Variants in SLIT1 observed in about 807,000 individuals in gnomAD.
SLIT1 encodes the protein slit guidance ligand 1.
SLIT1 carries 66 observed loss-of-function variants against 186.1 expected under a neutral mutation model. The observed-to-expected ratio is 0.35, with a 90% CI of 0.29 to 0.44. SLIT1 has a LOEUF of 0.44. Among genes scored for constraint, SLIT1 ranks in the 20% least tolerant of loss-of-function variants. SLIT1 has a pLI of 1.00. For synonymous variants in SLIT1, 761 were observed against 833.8 expected, an observed-to-expected ratio of 0.91 and a Z score of 1.50; for missense variants, 1,638 against 2,037.4, an observed-to-expected ratio of 0.80 and a Z score of 3.77.
Position 96,999,025 on chromosome 10 carries a change from CT to C in SLIT1, c.*2086del, listed in dbSNP as rs1848275740. 1 of 152,284 alleles carries C rather than the reference CT, an allele frequency of 6.6e-6. No individual in the cohort carries two copies. The highest frequency in any genetic ancestry group is 1.5e-5 in the Non-Finnish European group (1 of 68,090). 9.4% of individuals were successfully genotyped at this position (152,284 alleles called of 1,614,324 possible). On this transcript the variant is annotated 3_prime_UTR_variant, in exon 37 of 37. Coordinates refer to ENST00000266058, the MANE Select transcript of SLIT1 (RefSeq NM_003061.3). ...TCAGGGTTGGTGAGTCCCAGAGCACCTTTCTTCCAGGGAAGAGGCAAGCTAG... is the reference window on the plus strand; with the variant it reads ...TCAGGGTTGGTGAGTCCCAGAGCACCTTCTTCCAGGGAAGAGGCAAGCTAG...
intron 23 of SLIT1, among the ~76,000 whole-genome samples, chr10:97,032,662 C>G (rs371316640): frequency 2.6e-5 from 4 of 152,260 alleles, no homozygotes; most frequent in African/African-American, 9.6e-5. Flanking sequence ...CAAAATGCTT[C>G]CAAGTAACTG....
At position 97,004,604 on chromosome 10, in the gene SLIT1, C is replaced by T; in HGVS notation, c.3710+89G>A. 1 of 1,512,528 alleles carries T rather than the reference C, an allele frequency of 6.6e-7. No individual in the cohort carries two copies. Among genetic ancestry groups the T allele is most frequent in the Non-Finnish European group, 9.1e-7 (1 of 1,098,814 alleles). 93.7% of individuals were successfully genotyped at this position (1,512,528 alleles called of 1,614,324 possible). Reference sequence around the variant, plus strand: ...TCAGGCAGCCCAGGTTTCTAGAGGTCTCGATAACCACCTGCTTTTGGCCCA... The same window carrying T: ...TCAGGCAGCCCAGGTTTCTAGAGGTTTCGATAACCACCTGCTTTTGGCCCA... On this transcript the variant is annotated intron_variant, in intron 33 of 36. Coordinates refer to ENST00000266058, the MANE Select transcript of SLIT1 (RefSeq NM_003061.3). This position sits in a 1 kb window ranked among gnomAD's most constrained non-coding sequence, Gnocchi z 5.1.
intron 1 of SLIT1, among the ~76,000 whole-genome samples, chr10:97,182,264 C>T (rs117072213): frequency 0.014 from 2,146 of 152,234 alleles, 25 homozygotes; most frequent in Non-Finnish European, 0.024. Context: ...AGGCCTGGAC[C>T]CAGAGTTATA....
chr10:97,063,055 G>A (rs983821334), intron 8 of SLIT1, among the ~76,000 whole-genome samples: 1 of 152,214 alleles, frequency 6.6e-6, no homozygotes, highest in Admixed American at 6.5e-5. Context: ...CAGTGGCAAG[G>A]AGCCCAGAGG....
rs906685325 is a variant in SLIT1 at position 97,043,998 on chromosome 10, C to T, written c.1854-485G>A. On this transcript the variant is annotated intron_variant, in intron 18 of 36. Coordinates refer to ENST00000266058, the MANE Select transcript of SLIT1 (RefSeq NM_003061.3). This position sits in a 1 kb window ranked among gnomAD's most constrained non-coding sequence, Gnocchi z 7.0. ...CGGACCATCTCAGCCCTGGCACCTG[C>T]CTGCCTCCCTAGAGATGGACCAGCC... 2.0e-5 allele frequency among the ~76,000 whole-genome samples: 3 copies of T among 152,226 alleles called. No individual in the cohort carries two copies. Among genetic ancestry groups the T allele is most frequent in the Admixed American group, 2.0e-4 (3 of 15,284 alleles).
At chr10:97,033,445 T>C (rs1589368912) in intron 23 of SLIT1, among the ~76,000 whole-genome samples, 1 of 152,050 alleles carries the variant, frequency 6.6e-6, no homozygotes, top group African/African-American at 2.4e-5. Context: ...TATCTTAGAA[T>C]ATGGCCACAA....
rs371811928 is a variant in SLIT1 at position 97,049,003 on chromosome 10, C to T, written c.1417G>A (p.Ala473Thr). ...TTGATCTGCCCGATGCGCTTGTTGG[C>T]GAGGCGCCGGGGACTGGCACAGCGG... ...GARCASPRRL[A>T]NKRIGQIKSK... The change falls in exon 14 of 37, where the codon GCC becomes ACC. Residue 473 changes from alanine to threonine, a missense_variant. Ala to Thr is a moderately conservative substitution (Grantham distance 58, BLOSUM62 0). Transcript: ENST00000266058. 97 of 1,610,140 alleles carry T rather than the reference C, an allele frequency of 6.0e-5. No individual in the cohort carries two copies. Among genetic ancestry groups the T allele is most frequent in the Non-Finnish European group, 7.6e-5 (90 of 1,179,248 alleles).
intron 1 of SLIT1, among the ~76,000 whole-genome samples, chr10:97,165,706 G>A (rs1173108267): frequency 2.0e-5 from 3 of 152,130 alleles, no homozygotes; most frequent in Admixed American, 6.5e-5. Flanking sequence ...CAGGAGGATG[G>A]GGGGCCTGAC....
intron 3 of SLIT1, among the ~76,000 whole-genome samples, chr10:97,159,084 G>C (rs1589415634): frequency 6.6e-6 from 1 of 152,170 alleles, no homozygotes; most frequent in East Asian, 1.9e-4. Context: ...GGTGTCTGAG[G>C]GGTCTTAGAA....
intron 4 of SLIT1, among the ~76,000 whole-genome samples, chr10:97,111,406 T>TTG (rs770963012): frequency 3.9e-5 from 6 of 152,048 alleles, no homozygotes; most frequent in Non-Finnish European, 8.8e-5. Flanking sequence ...ATTCTAATTC[T>TTG]CACAGCCACT....
At position 97,057,299 on chromosome 10, in the gene SLIT1, G is replaced by C. The variant is rs1589377408; in HGVS notation, c.1086-18C>G. On this transcript the variant is annotated intron_variant, in intron 11 of 36. Coordinates refer to ENST00000266058, the MANE Select transcript of SLIT1 (RefSeq NM_003061.3). ...AGAGGACCCTGGAGAAAAGGCAGCA[G>C]AGAGGAGGGTTAGAGGACAGCCCAC... 6.2e-7 allele frequency: 1 copy of C among 1,611,888 alleles called. No individual in the cohort carries two copies. The highest frequency in any genetic ancestry group is 8.5e-7 in the Non-Finnish European group (1 of 1,178,606).
At chr10:97,094,211 G>A (rs117145282) in intron 4 of SLIT1, among the ~76,000 whole-genome samples, 1,903 of 152,352 alleles carry the variant, frequency 0.012, 13 homozygotes, top group Middle Eastern at 0.027. Context: ...ACCAGAGCTC[G>A]TGCTGGAACC....
chr10:97,038,869 T>C (rs965915945), intron 21 of SLIT1, among the ~76,000 whole-genome samples: 2 of 152,130 alleles, frequency 1.3e-5, no homozygotes, highest in African/African-American at 4.8e-5. Flanking sequence ...ATGACAAAAC[T>C]GAGGTTTAGA....
At chr10:97,136,431 C>T (rs1289830188) in intron 4 of SLIT1, among the ~76,000 whole-genome samples, 29 of 152,178 alleles carry the variant, frequency 1.9e-4, no homozygotes, top group Non-Finnish European at 1.5e-5. Flanking sequence ...AGGTCACCAA[C>T]AATGTGTCCA....
chr10:97,018,707 G>A, intron 27 of SLIT1, 24 bp from the exon 28 acceptor site: 1 of 1,487,458 alleles, frequency 6.7e-7, no homozygotes, highest in Non-Finnish European at 9.2e-7. Flanking sequence ...CAGTGATGGG[G>A]ACCCCAGGGA....
chr10:97,007,605 A>C (rs1018274714), intron 31 of SLIT1, among the ~76,000 whole-genome samples: 2 of 152,206 alleles, frequency 1.3e-5, no homozygotes, highest in East Asian at 3.8e-4. Context: ...ACCAAGTGAG[A>C]TTTACGCCAG....
At chr10:97,030,868 A>C in intron 24 of SLIT1, 40 bp from the exon 25 acceptor site, 2 of 1,556,276 alleles carry the variant, frequency 1.3e-6, no homozygotes, top group Non-Finnish European at 1.8e-6. Flanking sequence ...ATCCAGGGAC[A>C]GAGATGGGAG....
chr10:97,087,189 A>T (rs571920262), intron 4 of SLIT1, among the ~76,000 whole-genome samples: 1 of 145,550 alleles, frequency 6.9e-6, no homozygotes, highest in Admixed American at 6.9e-5. Context: ...CCCCCAGCCC[A>T]GCCCCACACA....
intron 23 of SLIT1, among the ~76,000 whole-genome samples, chr10:97,032,585 A>AG (rs1317703591): frequency 6.6e-6 from 1 of 151,992 alleles, no homozygotes; most frequent in East Asian, 1.9e-4. Context: ...AAAAAAAAAA[A>AG]AGTTATTAAG....
Sources: allele counts gnomAD v4.1 joint callset (sites outside exome capture counted in the v4.1 genomes callset), GRCh38; gene constraint gnomAD v4.1.1; non-coding constraint Gnocchi (gnomAD v3.1); transcripts MANE v1.5; gene names NCBI Gene and HGNC (gene_info 2026-07-23, HGNC 2026-07-21).